ZSWIM5: variants seen among roughly 807,000 people sequenced by gnomAD.
ZSWIM5 encodes the protein zinc finger SWIM domain-containing protein 5.
Under a neutral mutation model 119.6 loss-of-function variants are expected in ZSWIM5, and 55 were observed. That is an observed-to-expected ratio of 0.46 (90% CI 0.37 to 0.58). The LOEUF (loss-of-function observed/expected upper bound fraction) is 0.58, where lower values mean the gene tolerates loss of function less well. Among genes scored for constraint, ZSWIM5 ranks in the 20% least tolerant of loss-of-function variants. The probability of loss-of-function intolerance (pLI) is 0.00; values close to 1 mark genes in which losing one functional copy is unlikely to be tolerated. For synonymous variants in ZSWIM5, 537 were observed against 606.9 expected (o/e 0.88, Z 1.69); for missense variants, 1,193 against 1,512.8 (o/e 0.79, Z 3.51).
chr1:45,196,686 G>A (rs529976267), intron 1 of ZSWIM5, among the ~76,000 whole-genome samples: 22 of 152,166 alleles, frequency 1.4e-4, no homozygotes, highest in South Asian at 6.2e-4. Flanking sequence ...CACCACGCCC[G>A]GCTGAAGCCC....
chr1:45,040,307 C>T, intron 7 of ZSWIM5, 85 bp downstream of exon 7: 1 of 1,366,344 alleles, frequency 7.3e-7, no homozygotes, highest in Non-Finnish European at 9.8e-7. Context: ...ACCCGGAATT[C>T]CCTAGTTCTT....
chr1:45,145,914 A>G (rs1645756894), intron 1 of ZSWIM5, among the ~76,000 whole-genome samples: 1 of 152,204 alleles, frequency 6.6e-6, no homozygotes, highest in South Asian at 2.1e-4. Flanking sequence ...AAAAACTAGG[A>G]GAGTGTGGTA....
intron 1 of ZSWIM5, among the ~76,000 whole-genome samples, chr1:45,136,418 G>A (rs1645690668): frequency 6.6e-6 from 1 of 152,032 alleles, no homozygotes; most frequent in South Asian, 2.1e-4. Flanking sequence ...GCCCATTTGG[G>A]TTTTCTTTAA....
intron 2 of ZSWIM5, among the ~76,000 whole-genome samples, chr1:45,082,739 T>C (rs1645300990): frequency 6.6e-6 from 1 of 152,188 alleles, no homozygotes; most frequent in Non-Finnish European, 1.5e-5. Context: ...GAATCACATC[T>C]CAAGTTGATT....
intron 1 of ZSWIM5, among the ~76,000 whole-genome samples, chr1:45,091,913 T>C (rs565769425): frequency 3.3e-5 from 5 of 152,162 alleles, no homozygotes; most frequent in African/African-American, 7.2e-5. Context: ...GCTTTCTCTG[T>C]GTATTGTTCA....
At position 45,206,422 on chromosome 1, in the gene ZSWIM5, A is replaced by C; in HGVS notation, c.-72T>G. ...TGCGGCGGAGACCCTGGCCACGGCC[A>C]CGCGCCCCGCGCAAGCGCCCAGCGG... On this transcript the variant is annotated 5_prime_UTR_variant, in exon 1 of 14. Transcript: ENST00000359600. The C allele has an allele frequency of 2.4e-6, 3 of 1,267,632 alleles. No individual in the cohort carries two copies. Among genetic ancestry groups the C allele is most frequent in the Non-Finnish European group, 3.0e-6 (3 of 1,007,882 alleles). The allele number at this position is 1,267,632 out of a possible 1,614,324, so 78.5% of individuals were successfully genotyped here.
At position 45,026,409 on chromosome 1, in the gene ZSWIM5, G is replaced by GT. The variant is rs200251073; in HGVS notation, c.2450-5622dup. Among the ~76,000 whole-genome samples, 1,139 of 147,594 alleles carry GT rather than the reference G, an allele frequency of 7.7e-3. 30 individuals carry two copies. The highest frequency in any genetic ancestry group is 0.04 in the Admixed American group (589 of 14,820). On this transcript the variant is annotated intron_variant, in intron 11 of 13. Transcript: ENST00000359600. ...CTCCTCTATTCCTAGTTTGCTAAGGGTTTTTTTTTTTAAATTATGAATGGG... is the reference window on the plus strand; with the variant it reads ...CTCCTCTATTCCTAGTTTGCTAAGGGTTTTTTTTTTTTAAATTATGAATGGG...
intron 1 of ZSWIM5, among the ~76,000 whole-genome samples, chr1:45,182,526 T>C (rs916910383): frequency 2.0e-5 from 3 of 151,872 alleles, no homozygotes; most frequent in African/African-American, 7.3e-5. Context: ...GAGACACACA[T>C]AGGCTCAAAA....
intron 2 of ZSWIM5, among the ~76,000 whole-genome samples, chr1:45,085,729 T>C (rs1306448098): frequency 6.6e-6 from 1 of 152,114 alleles, no homozygotes; most frequent in African/African-American, 2.4e-5. Flanking sequence ...AAGCACCCCA[T>C]CTTCATCTGA....
intron 1 of ZSWIM5, among the ~76,000 whole-genome samples, chr1:45,115,724 C>T (rs1190989430): frequency 2.0e-5 from 3 of 150,880 alleles, no homozygotes; most frequent in Non-Finnish European, 4.4e-5. Context: ...TCGTCACTTC[C>T]CAGACGGGAT....
At chr1:45,131,724 C>CAAAAAAA (rs11336099) in intron 1 of ZSWIM5, among the ~76,000 whole-genome samples, 1 of 74,196 alleles carries the variant, frequency 1.3e-5, no homozygotes, top group Non-Finnish European at 2.7e-5. Context: ...GACTCTGTCT[C>CAAAAAAA]AAAAAAAAAA....
intron 1 of ZSWIM5, among the ~76,000 whole-genome samples, chr1:45,146,794 A>T (rs890185180): frequency 6.6e-6 from 1 of 152,144 alleles, no homozygotes; most frequent in Non-Finnish European, 1.5e-5. Flanking sequence ...CAGCTCTATA[A>T]ATCAACTTAC....
chr1:45,104,108 T>A (rs1261232681), intron 1 of ZSWIM5, among the ~76,000 whole-genome samples: 1 of 152,220 alleles, frequency 6.6e-6, no homozygotes, highest in East Asian at 1.9e-4. Context: ...CTGCATAGTA[T>A]AAATTAGACC....
intron 1 of ZSWIM5, among the ~76,000 whole-genome samples, chr1:45,127,207 A>G (rs1645626754): frequency 2.0e-5 from 3 of 152,208 alleles, no homozygotes; most frequent in African/African-American, 7.2e-5. Flanking sequence ...AGCTGATATA[A>G]TATTTGGAAA....
chr1:45,097,202 C>G (rs1308423193), intron 1 of ZSWIM5, among the ~76,000 whole-genome samples: 1 of 152,216 alleles, frequency 6.6e-6, no homozygotes, highest in South Asian at 2.1e-4. Context: ...TCTTTCCCAG[C>G]ATTAAGGCTG....
At chr1:45,130,913 T>A (rs1645652489) in intron 1 of ZSWIM5, among the ~76,000 whole-genome samples, 1 of 152,176 alleles carries the variant, frequency 6.6e-6, no homozygotes, top group Admixed American at 6.5e-5. Flanking sequence ...AACATGCAAT[T>A]GATAACACAC....
intron 5 of ZSWIM5, among the ~76,000 whole-genome samples, chr1:45,047,709 C>G (rs1295682721): frequency 6.6e-6 from 1 of 152,114 alleles, no homozygotes; most frequent in African/African-American, 2.4e-5. Context: ...GGGGAAGAGG[C>G]AGAGTAGATG....
At chr1:45,027,053 G>A (rs1644924702) in intron 11 of ZSWIM5, among the ~76,000 whole-genome samples, 1 of 149,634 alleles carries the variant, frequency 6.7e-6, no homozygotes, top group South Asian at 2.1e-4. Context: ...ATGGGGATCA[G>A]TACTGATGGC....
At chr1:45,069,974 A>C in intron 2 of ZSWIM5, 1 of 692,908 alleles carries the variant, frequency 1.4e-6, no homozygotes, top group Non-Finnish European at 2.6e-6. Context: ...TCTCAAATGC[A>C]GTCTAACCCA....
Sources: gnomAD v4.1 joint callset for allele counts (sites outside exome capture counted in the v4.1 genomes callset) on GRCh38, gnomAD v4.1.1 for gene constraint, MANE v1.5 for transcripts, NCBI Gene and HGNC (gene_info 2026-07-23, HGNC 2026-07-21) for gene names.